Variants in RND1 observed in about 807,000 individuals in gnomAD.
RND1 encodes rho-related GTP-binding protein Rho6.
RND1 carries 9 observed loss-of-function variants against 27.1 expected under a neutral mutation model. That is an observed-to-expected ratio of 0.33 (90% CI 0.20 to 0.58). The LOEUF is 0.58. RND1 is among the 20% of genes least tolerant of loss of function. The pLI is 0.86. For synonymous variants in RND1, 108 were observed against 115.7 expected, an observed-to-expected ratio of 0.93 and a Z score of 0.43; for missense variants, 253 against 292.2, an observed-to-expected ratio of 0.87 and a Z score of 0.98.
intron 4 of RND1, among the ~76,000 whole-genome samples, chr12:48,860,795 A>C (rs1938910165): frequency 6.6e-6 from 1 of 152,168 alleles, no homozygotes. Flanking sequence ...GGGCACACAC[A>C]GGAATAACTC....
intron 1 of RND1, chr12:48,865,393 T>A: frequency 1.9e-6 from 1 of 514,464 alleles, no homozygotes. Flanking sequence ...CGCAGGAAGG[T>A]GGAGGGGATC....
chr12:48,865,300 C>T (rs1345618191), intron 1 of RND1: 11 of 387,390 alleles, frequency 2.8e-5, no homozygotes, highest in Non-Finnish European at 5.4e-5. Flanking sequence ...AGCAGGTGAG[C>T]GGATAGGCAG....
At chr12:48,864,410 TGTGTGTGCGCGCGCGCGC>T (rs1938957197) in intron 2 of RND1, among the ~76,000 whole-genome samples, 2 of 117,872 alleles carry the variant, frequency 1.7e-5, no homozygotes, top group South Asian at 6.0e-4. Flanking sequence ...TGTGTGTGTG[TGTGTGTGCGCGCGCGCGC>T]GTGTGTGTGC....
intron 1 of RND1, 178 bp downstream of exon 1, chr12:48,865,468 CAG>C: frequency 2.9e-6 from 2 of 690,940 alleles, no homozygotes; most frequent in East Asian, 2.8e-5. Flanking sequence ...GAACAGGTCT[CAG>C]GGGAAGCTAA....
chr12:48,861,025 T>C lies in RND1; in HGVS notation c.425A>G (p.Gln142Arg), dbSNP rs548432311. 1 of 1,613,958 alleles carries C rather than the reference T, an allele frequency of 6.2e-7. No homozygotes were observed. The highest frequency in any genetic ancestry group is 1.3e-5 in the African/African-American group (1 of 75,060). Reference protein sequence around the residue: ...DLSTLMELSHQKQAPISYEQG... With the variant: ...DLSTLMELSHRKQAPISYEQG... ...CTCATAGGAGATGGGCGCCTGCTTC[T>C]GGTGGGACAGCTCCATCAGAGTACT... Residue 142 changes from glutamine to arginine, a missense_variant, in exon 4 of 5, where the codon CAG becomes CGG. Physicochemically the swap from Gln to Arg is conservative, Grantham distance 43. Coordinates refer to ENST00000309739, the MANE Select transcript of RND1 (RefSeq NM_014470.4).
chr12:48,861,556 T>C (rs1452110057), intron 3 of RND1, among the ~76,000 whole-genome samples: 1 of 152,138 alleles, frequency 6.6e-6, no homozygotes, highest in Non-Finnish European at 1.5e-5. Flanking sequence ...ACACAAGGTT[T>C]CCTAGGACTC....
Position 48,857,712 on chromosome 12 carries a change from G to T in RND1, c.*284C>A. The stretch of plus-strand genomic sequence containing the variant: ...AGCCCATGAGGCCAGCATGCCCCCC[G>T]TCCCCCACAGCTTTCCTTCCTCTGG... On this transcript the variant is annotated 3_prime_UTR_variant, in exon 5 of 5. Transcript: ENST00000309739. 3.4e-6 allele frequency: 1 copy of T among 294,014 alleles called. No individual in the cohort carries two copies. The highest frequency in any genetic ancestry group is 6.3e-6 in the Non-Finnish European group (1 of 158,814). The allele number at this position is 294,014 out of a possible 1,614,324, so 18.2% of individuals were successfully genotyped here.
Position 48,857,916 on chromosome 12 carries a change from T to C in RND1, c.*80A>G. On this transcript the variant is annotated 3_prime_UTR_variant, in exon 5 of 5. Coordinates refer to ENST00000309739, the MANE Select transcript of RND1 (RefSeq NM_014470.4). Reference sequence around the variant, plus strand: ...AAAAACTCATGTCCAGTGTCCTAAATTGTCTCATCCTCCCTCTCCCCGTGC... The same window carrying C: ...AAAAACTCATGTCCAGTGTCCTAAACTGTCTCATCCTCCCTCTCCCCGTGC... 6.7e-7 allele frequency: 1 copy of C among 1,501,696 alleles called. No homozygotes were observed. 93.0% of individuals were successfully genotyped at this position (1,501,696 alleles called of 1,614,324 possible). A position where few individuals can be genotyped will look rare whatever the true frequency, so the allele number is the denominator to read the frequency against.
rs1938978323 is a variant in RND1, at chr12:48,865,735, C to T, written c.33G>A (p.Val11=). 6.2e-7 allele frequency: 1 copy of T among 1,610,874 alleles called. No homozygotes were observed. The highest frequency in any genetic ancestry group is 1.3e-5 in the African/African-American group (1 of 74,992). MKERRAPQPV[V]ARCKLVLVGD... is the part of the protein sequence containing the mutation. ...CGACCAGAACGAGCTTACATCTGGC[C>T]ACGACTGGCTGGGGGGCCCGTCTCT... Residue 11 remains valine, a synonymous_variant, in exon 1 of 5, where the codon GTG becomes GTA. Coordinates refer to ENST00000309739, the MANE Select transcript of RND1 (RefSeq NM_014470.4).
At chr12:48,858,986 T>C (rs1464930572) in intron 4 of RND1, 1 of 144,786 alleles carries the variant, frequency 6.9e-6, no homozygotes, top group African/African-American at 2.5e-5. Context: ...TTTGAAACAG[T>C]CTCGCTCTGT....
At position 48,864,993 on chromosome 12, in the gene RND1, G is replaced by A. The variant is rs536104247; in HGVS notation, c.121-123C>T. 23 of 772,996 alleles carry A rather than the reference G, an allele frequency of 3.0e-5. No homozygotes were observed. In the East Asian group the frequency reaches 5.9e-4, roughly 20 times the overall value. 47.9% of individuals were successfully genotyped at this position (772,996 alleles called of 1,614,324 possible). ...TCACAGGAGACAAGAAACCAGAGGAGATGCCTGGGGCAGGAGGGAAGGGAC... is the reference window on the plus strand; with the variant it reads ...TCACAGGAGACAAGAAACCAGAGGAAATGCCTGGGGCAGGAGGGAAGGGAC... On this transcript the variant is annotated intron_variant, in intron 1 of 4. Coordinates refer to ENST00000309739, the MANE Select transcript of RND1 (RefSeq NM_014470.4).
Position 48,857,794 on chromosome 12 carries a change from T to C in RND1, c.*202A>G, listed in dbSNP as rs1284903991. ...CCAAAATCTAGTGCCTGGCTTGGGG[T>C]ATGATGGTTCTCTCTCAGCGTCAGG... is the stretch of plus-strand genomic sequence containing the variant. On this transcript the variant is annotated 3_prime_UTR_variant, in exon 5 of 5. Coordinates refer to ENST00000309739, the MANE Select transcript of RND1 (RefSeq NM_014470.4). The C allele has an allele frequency of 7.8e-6, 4 of 512,238 alleles. No homozygotes were observed. In the African/African-American group the frequency reaches 7.9e-5, roughly 10 times the overall value. The allele number at this position is 512,238 out of a possible 1,614,324, so 31.7% of individuals were successfully genotyped here. A position where few individuals can be genotyped will look rare whatever the true frequency, so the allele number is the denominator to read the frequency against.
intron 2 of RND1, among the ~76,000 whole-genome samples, chr12:48,864,397 G>GTA: frequency 8.8e-6 from 1 of 113,024 alleles, no homozygotes; most frequent in East Asian, 3.3e-4. Context: ...GTGTGTGTGT[G>GTA]TGTGTGTGTG....
At position 48,858,058 on chromosome 12, in the gene RND1, G is replaced by T. The variant is rs554533556; in HGVS notation, c.637C>A (p.Arg213Ser). 2.5e-6 allele frequency: 4 copies of T among 1,614,154 alleles called. No individual in the cohort carries two copies. The highest frequency in any genetic ancestry group is 2.2e-5 in the East Asian group (1 of 44,884). ...AAGGTAGAAGAGATGAGTTCAGAGC[G>T]ACTGGGGAGGTGGAGCAGTCGTTTG... ...LSKRLLHLPS[R>S]SELISSTFKK... The change falls in exon 5 of 5, where the codon CGC becomes AGC. Residue 213 changes from arginine (R) to serine (S), a missense_variant. Physicochemically the swap from Arg to Ser is moderately radical, Grantham distance 110 (BLOSUM62 -1). Coordinates refer to ENST00000309739, the MANE Select transcript of RND1 (RefSeq NM_014470.4).
rs1245499914 is a variant in RND1, at chr12:48,857,896, C to A, written c.*100G>T. 3 of 1,440,118 alleles carry A rather than the reference C, an allele frequency of 2.1e-6. No homozygotes were observed. The highest frequency in any genetic ancestry group is 2.8e-6 in the Non-Finnish European group (3 of 1,071,996). 89.2% of individuals were successfully genotyped at this position (1,440,118 alleles called of 1,614,324 possible). A position where few individuals can be genotyped will look rare whatever the true frequency, so the allele number is the denominator to read the frequency against. ...GCCCTCACCGTGGCCATCTGAAAAA[C>A]TCATGTCCAGTGTCCTAAATTGTCT... On this transcript the variant is annotated 3_prime_UTR_variant, in exon 5 of 5. Coordinates refer to ENST00000309739, the MANE Select transcript of RND1 (RefSeq NM_014470.4).
chr12:48,864,898 C>T lies in RND1; in HGVS notation c.121-28G>A, dbSNP rs368329010. 52 of 1,521,772 alleles carry T rather than the reference C, an allele frequency of 3.4e-5. 1 individual carries two copies. The African/African-American group carries it at 5.7e-4, about 17-fold the overall frequency. The allele number at this position is 1,521,772 out of a possible 1,614,324, so 94.3% of individuals were successfully genotyped here. ...GTGAAAAGAGAGGAAACATTCACCC[C>T]ATGCACCCCTACCCTCAGATCCCCT... On this transcript the variant is annotated intron_variant, in intron 1 of 4. Transcript: ENST00000309739.
intron 1 of RND1, chr12:48,865,283 T>C: frequency 2.6e-6 from 1 of 382,654 alleles, no homozygotes; most frequent in Non-Finnish European, 5.0e-6. Context: ...GCATAGAGCC[T>C]TTGAGGAGCA....
At chr12:48,864,093 C>A (rs1159480734) in intron 2 of RND1, among the ~76,000 whole-genome samples, 1 of 152,122 alleles carries the variant, frequency 6.6e-6, no homozygotes, top group Non-Finnish European at 1.5e-5. Context: ...GAGCCAACCT[C>A]CCCTCTGCCC....
chr12:48,857,969 G>A lies in RND1; in HGVS notation c.*27C>T, dbSNP rs958497876. ...CTGCACCCCAAGGGAGGAAGTAGGG[G>A]GTTGTCTCCCCCCTCCAATTTCCAC... On this transcript the variant is annotated 3_prime_UTR_variant, in exon 5 of 5. Transcript: ENST00000309739. 2.6e-6 allele frequency: 4 copies of A among 1,566,540 alleles called. No homozygotes were observed. Among genetic ancestry groups the A allele is most frequent in the Non-Finnish European group, 3.5e-6 (4 of 1,156,012 alleles).
Sources: gnomAD v4.1 joint callset for allele counts (sites outside exome capture counted in the v4.1 genomes callset) on GRCh38, gnomAD v4.1.1 for gene constraint, MANE v1.5 for transcripts, NCBI Gene and HGNC (gene_info 2026-07-23, HGNC 2026-07-21) for gene names.